Variants in ZCCHC7 observed in about 807,000 individuals in gnomAD.
The protein encoded by ZCCHC7 is zinc finger CCHC-type containing 7, also known as zinc finger CCHC domain-containing protein 7.
ZCCHC7 carries 35 observed loss-of-function variants against 52.0 expected under a neutral mutation model. The observed-to-expected ratio is 0.67, with a 90% confidence interval of 0.51 to 0.89. ZCCHC7 has a LOEUF of 0.89. ZCCHC7 is among the 40% of genes least tolerant of loss of function. The pLI is 0.00. For synonymous variants in ZCCHC7, 217 were observed against 221.5 expected, an observed-to-expected ratio of 0.98 and a Z score of 0.18; for missense variants, 574 against 649.1, an observed-to-expected ratio of 0.88 and a Z score of 1.26.
intron 2 of ZCCHC7, among the ~76,000 whole-genome samples, chr9:37,179,764 A>G (rs1822248902): frequency 6.6e-6 from 1 of 152,174 alleles, no homozygotes; most frequent in Non-Finnish European, 1.5e-5. Context: ...GCTCATCAAG[A>G]TGATTGACAG....
chr9:37,247,177 A>G (rs746990969), intron 2 of ZCCHC7, among the ~76,000 whole-genome samples: 14 of 152,186 alleles, frequency 9.2e-5, no homozygotes, highest in Non-Finnish European at 2.1e-4. Context: ...ACATAAATGT[A>G]CTTTGTGGAT....
chr9:37,218,678 G>A (rs548344783), intron 2 of ZCCHC7, among the ~76,000 whole-genome samples: 201 of 152,170 alleles, frequency 1.3e-3, no homozygotes, highest in African/African-American at 3.2e-3. Flanking sequence ...GCGTGGTGGC[G>A]CGCACTTGTA....
chr9:37,278,269 A>T (rs78404120), intron 2 of ZCCHC7, among the ~76,000 whole-genome samples: 5,281 of 152,222 alleles, frequency 0.035, 317 homozygotes, highest in African/African-American at 0.12. Context: ...ATGCTCAAGG[A>T]TATAAAATGG....
At chr9:37,146,612 T>C (rs1843445594) in intron 2 of ZCCHC7, among the ~76,000 whole-genome samples, 1 of 151,932 alleles carries the variant, frequency 6.6e-6, no homozygotes, top group Non-Finnish European at 1.5e-5. Context: ...GGTAACTTCC[T>C]CATGTGGTTT....
chr9:37,164,207 C>G (rs781053223), intron 2 of ZCCHC7, among the ~76,000 whole-genome samples: 2 of 151,856 alleles, frequency 1.3e-5, no homozygotes, highest in African/African-American at 4.8e-5. Flanking sequence ...TTTGGGAGGC[C>G]GAACTGGGCA....
At position 37,179,337 on chromosome 9, in the gene ZCCHC7, T is replaced by C. The variant is rs540275763; in HGVS notation, c.610+52395T>C. Among the ~76,000 whole-genome samples the C allele has an allele frequency of 2.6e-5, 4 of 152,268 alleles. No homozygotes were observed. In the South Asian group the frequency reaches 8.3e-4, roughly 32 times the overall value. On this transcript the variant is annotated intron_variant, in intron 2 of 8. Transcript: ENST00000336755. ...GATGCAGTGGGTGAACAATACCCTG[T>C]GTGGTGTGACAGGTAAATTTCCCAA...
At position 37,197,365 on chromosome 9, in the gene ZCCHC7, A is replaced by G. The variant is rs917551994; in HGVS notation, c.610+70423A>G. 6.6e-5 allele frequency among the ~76,000 whole-genome samples: 10 copies of G among 152,238 alleles called. No individual in the cohort carries two copies. In the South Asian group the frequency reaches 1.9e-3, roughly 28 times the overall value. ...GAATAATATAAACATGCTATGCATGAGTTTCACTTCTTGAATATGTCAAAG... is the reference window on the plus strand; with the variant it reads ...GAATAATATAAACATGCTATGCATGGGTTTCACTTCTTGAATATGTCAAAG... On this transcript the variant is annotated intron_variant, in intron 2 of 8. Transcript: ENST00000336755.
intron 2 of ZCCHC7, among the ~76,000 whole-genome samples, chr9:37,228,255 AGGAACCCTTT>A (rs1825218209): frequency 6.6e-6 from 1 of 152,224 alleles, no homozygotes; most frequent in South Asian, 2.1e-4. Flanking sequence ...AAAAGCATGA[AGGAACCCTTT>A]GGAGGCATGA....
chr9:37,224,769 A>C (rs1825008220), intron 2 of ZCCHC7, among the ~76,000 whole-genome samples: 1 of 152,184 alleles, frequency 6.6e-6, no homozygotes, highest in Non-Finnish European at 1.5e-5. Flanking sequence ...AAGTGATGAG[A>C]TCCACAAATC....
intron 5 of ZCCHC7, among the ~76,000 whole-genome samples, chr9:37,317,335 A>G (rs1407579023): frequency 6.6e-6 from 1 of 152,258 alleles, no homozygotes; most frequent in African/African-American, 2.4e-5. Context: ...AGTCAGAGAA[A>G]AAAATTAGCA....
At chr9:37,325,723 A>T (rs1830214722) in intron 5 of ZCCHC7, among the ~76,000 whole-genome samples, 1 of 152,228 alleles carries the variant, frequency 6.6e-6, no homozygotes, top group Non-Finnish European at 1.5e-5. Flanking sequence ...CTCAAATATA[A>T]ATAAGTATTA....
chr9:37,226,322 A>G (rs1263723816), intron 2 of ZCCHC7, among the ~76,000 whole-genome samples: 1 of 152,200 alleles, frequency 6.6e-6, no homozygotes, highest in African/African-American at 2.4e-5. Context: ...ATGTTCATGG[A>G]TGAGACTTTA....
At chr9:37,335,241 C>T (rs1830599234) in intron 6 of ZCCHC7, among the ~76,000 whole-genome samples, 2 of 152,060 alleles carry the variant, frequency 1.3e-5, no homozygotes, top group Non-Finnish European at 2.9e-5. Context: ...TACATTTCCT[C>T]CCTGTTTTTA....
chr9:37,152,674 A>G (rs982276366), intron 2 of ZCCHC7, among the ~76,000 whole-genome samples: 3 of 152,238 alleles, frequency 2.0e-5, no homozygotes, highest in Admixed American at 6.5e-5. Flanking sequence ...GAAGACAGAA[A>G]TAAAGTAGCA....
intron 6 of ZCCHC7, among the ~76,000 whole-genome samples, chr9:37,339,290 G>A (rs1830821432): frequency 6.6e-6 from 1 of 152,176 alleles, no homozygotes; most frequent in Non-Finnish European, 1.5e-5. Context: ...CCAGAACAGT[G>A]TACAAATGGA....
chr9:37,123,288 T>C (rs577343440), intron 1 of ZCCHC7, among the ~76,000 whole-genome samples: 3 of 151,996 alleles, frequency 2.0e-5, no homozygotes, highest in Non-Finnish European at 4.4e-5. Flanking sequence ...AAGGGTAAAT[T>C]AAATTCATTT....
chr9:37,256,943 A>G (rs1826618392), intron 2 of ZCCHC7, among the ~76,000 whole-genome samples: 1 of 152,166 alleles, frequency 6.6e-6, no homozygotes, highest in Non-Finnish European at 1.5e-5. Flanking sequence ...CTTTTTTTCA[A>G]CCCTCATAGA....
intron 5 of ZCCHC7, among the ~76,000 whole-genome samples, chr9:37,323,931 T>C: frequency 6.6e-6 from 1 of 152,136 alleles, no homozygotes; most frequent in East Asian, 1.9e-4. Flanking sequence ...TCTTGAGGCT[T>C]CAGAGTAGGG....
At chr9:37,227,548 A>T (rs1229566958) in intron 2 of ZCCHC7, among the ~76,000 whole-genome samples, 1 of 152,182 alleles carries the variant, frequency 6.6e-6, no homozygotes, top group African/African-American at 2.4e-5. Context: ...TTTTCTAAAT[A>T]TATACCTTAC....
Sources: allele counts gnomAD v4.1 joint callset (sites outside exome capture counted in the v4.1 genomes callset), GRCh38; gene constraint gnomAD v4.1.1; transcripts MANE v1.5; gene names NCBI Gene and HGNC (gene_info 2026-07-23, HGNC 2026-07-21).